Variants in PRKCA observed in about 807,000 individuals in gnomAD.
The protein encoded by PRKCA is protein kinase C alpha, also known as protein kinase C alpha type.
Under a neutral mutation model 87.0 loss-of-function variants are expected in PRKCA, and 27 were observed. The ratio of observed to expected loss-of-function variants is 0.31; its 90% CI spans 0.23 to 0.43. The LOEUF is 0.43. PRKCA is among the 20% of genes least tolerant of loss of function. The probability of loss-of-function intolerance (pLI) is 1.00; values close to 1 mark genes in which losing one functional copy is unlikely to be tolerated. For missense variants in PRKCA, 518 were observed against 852.3 expected, an observed-to-expected ratio of 0.61 and a Z score of 4.88; for synonymous variants, 329 against 311.1, an observed-to-expected ratio of 1.06 and a Z score of -0.61.
chr17:66,784,795 C>A (rs1355043361), intron 14 of PRKCA, among the ~76,000 whole-genome samples: 1 of 152,178 alleles, frequency 6.6e-6, no homozygotes. Context: ...AGCCACACGT[C>A]CCCCTGATGG....
chr17:66,548,137 G>A (rs920883540), intron 3 of PRKCA, among the ~76,000 whole-genome samples: 1 of 152,154 alleles, frequency 6.6e-6, no homozygotes, highest in African/African-American at 2.4e-5. Context: ...ATTCTTGTTC[G>A]GGGGGATTTC....
intron 2 of PRKCA, chr17:66,404,030 A>G (rs961352444): frequency 7.2e-5 from 11 of 152,224 alleles, no homozygotes; most frequent in African/African-American, 2.7e-4. Flanking sequence ...CCTGAGCTAC[A>G]TACGCTTCAT....
chr17:66,492,146 T>A (rs1449268454), intron 2 of PRKCA, among the ~76,000 whole-genome samples: 3 of 152,208 alleles, frequency 2.0e-5, no homozygotes, highest in African/African-American at 7.2e-5. Context: ...TGGAAACACA[T>A]GGCCTTTCTG....
chr17:66,464,583 T>G (rs1261705118), intron 2 of PRKCA, among the ~76,000 whole-genome samples: 1 of 152,198 alleles, frequency 6.6e-6, no homozygotes, highest in Non-Finnish European at 1.5e-5. Flanking sequence ...TGTGTAGTGG[T>G]ATCTCATTGC....
chr17:66,695,297 C>T (rs553606823), intron 8 of PRKCA, among the ~76,000 whole-genome samples: 1 of 152,356 alleles, frequency 6.6e-6, no homozygotes, highest in African/African-American at 2.4e-5. Flanking sequence ...GTGAAGACCA[C>T]GTCTCCCTTC....
intron 13 of PRKCA, among the ~76,000 whole-genome samples, chr17:66,768,191 G>T (rs894863070): frequency 2.7e-5 from 4 of 150,816 alleles, no homozygotes; most frequent in African/African-American, 9.8e-5. Context: ...TGATCCGCCC[G>T]CCTGGGCCGC....
intron 5 of PRKCA, among the ~76,000 whole-genome samples, chr17:66,650,683 T>C (rs573972142): frequency 6.6e-6 from 1 of 152,198 alleles, no homozygotes; most frequent in East Asian, 1.9e-4. Context: ...CAGAGACTCC[T>C]CCTGCCTACC....
intron 2 of PRKCA, among the ~76,000 whole-genome samples, chr17:66,401,653 G>T (rs1170269735): frequency 1.3e-5 from 2 of 152,112 alleles, no homozygotes; most frequent in Non-Finnish European, 2.9e-5. Context: ...GAATGAACTA[G>T]GGCAGTGGTA....
Position 66,803,794 on chromosome 17 carries a change from C to T in PRKCA, c.1855-79C>T, listed in dbSNP as rs1391755493. The stretch of plus-strand genomic sequence containing the variant: ...GGAGTTCCCCAGGGCCGTGCCCCTC[C>T]CCAGAGAGGGCCCTCGGAGAGCTGC... On this transcript the variant is annotated intron_variant, in intron 16 of 16. Coordinates refer to ENST00000413366, the MANE Select transcript of PRKCA (RefSeq NM_002737.3). This position sits in a 1 kb window ranked among gnomAD's most constrained non-coding sequence, Gnocchi z 4.4. 3 of 1,563,768 alleles carry T rather than the reference C, an allele frequency of 1.9e-6. No homozygotes were observed. The highest frequency in any genetic ancestry group is 2.6e-6 in the Non-Finnish European group (3 of 1,151,586).
At chr17:66,378,771 CAT>C (rs1212564849) in intron 2 of PRKCA, among the ~76,000 whole-genome samples, 1 of 151,834 alleles carries the variant, frequency 6.6e-6, no homozygotes, top group African/African-American at 2.4e-5. Flanking sequence ...CGTGGTGGCA[CAT>C]GGCTGTAATC....
intron 2 of PRKCA, among the ~76,000 whole-genome samples, chr17:66,434,452 A>G (rs941186206): frequency 1.3e-5 from 2 of 152,136 alleles, no homozygotes; most frequent in African/African-American, 4.8e-5. Flanking sequence ...ATCTGAGCTT[A>G]TAGATCCTGT....
chr17:66,657,283 T>C (rs1030449817), intron 5 of PRKCA, among the ~76,000 whole-genome samples: 2 of 152,188 alleles, frequency 1.3e-5, no homozygotes, highest in Non-Finnish European at 2.9e-5. Context: ...ATAGTCAGGG[T>C]CCCTTTTCAA....
chr17:66,433,286 C>CCCCGGCCCTGGCCCTGGT (rs1288545043), intron 2 of PRKCA, among the ~76,000 whole-genome samples: 48 of 152,130 alleles, frequency 3.2e-4, no homozygotes, highest in Admixed American at 1.3e-4. Flanking sequence ...CCAGCTCTGG[C>CCCCGGCCCTGGCCCTGGT]CCCGGCCCTG....
In PRKCA at chr17:66,774,196, G is replaced by A; in HGVS notation, c.1605+129G>A. ...GTGTTGGCGTGACTTCCCTGACCCA[G>A]GCGAAAGAGGGAGAAACGCCCCCTT... On this transcript the variant is annotated intron_variant, in intron 14 of 16. Transcript: ENST00000413366. 2.6e-6 allele frequency: 4 copies of A among 1,546,934 alleles called. No individual in the cohort carries two copies. In the South Asian group the frequency reaches 3.5e-5, roughly 14 times the overall value.
chr17:66,508,925 C>T (rs979401029), intron 3 of PRKCA, among the ~76,000 whole-genome samples: 4 of 152,192 alleles, frequency 2.6e-5, no homozygotes, highest in Non-Finnish European at 4.4e-5. Flanking sequence ...TCACTCACAG[C>T]GGCCTCACTG....
intron 8 of PRKCA, among the ~76,000 whole-genome samples, chr17:66,730,880 G>A (rs1973868560): frequency 6.6e-6 from 1 of 152,194 alleles, no homozygotes; most frequent in South Asian, 2.1e-4. Flanking sequence ...CTCCAAGAGG[G>A]ACGACGGATG....
At chr17:66,385,924 A>AT (rs1371239494) in intron 2 of PRKCA, among the ~76,000 whole-genome samples, 3 of 151,902 alleles carry the variant, frequency 2.0e-5, no homozygotes, top group South Asian at 2.1e-4. Context: ...CACCCAGCTA[A>AT]TTTTTTGTGT....
chr17:66,790,401 A>G (rs901516206), intron 16 of PRKCA, among the ~76,000 whole-genome samples: 1 of 114,360 alleles, frequency 8.7e-6, no homozygotes, highest in African/African-American at 2.9e-5. Context: ...AGCCCTGCAC[A>G]CTGATTTCAG....
chr17:66,320,376 A>C (rs115772332), intron 2 of PRKCA, among the ~76,000 whole-genome samples: 2,114 of 142,816 alleles, frequency 0.015, 50 homozygotes, highest in African/African-American at 0.055. Context: ...CCAATACTCT[A>C]TTTTTTTTTT....
Sources: allele counts gnomAD v4.1 joint callset (sites outside exome capture counted in the v4.1 genomes callset), GRCh38; gene constraint gnomAD v4.1.1; non-coding constraint Gnocchi (gnomAD v3.1); transcripts MANE v1.5; gene names NCBI Gene and HGNC (gene_info 2026-07-23, HGNC 2026-07-21).